FUT8: variants seen among roughly 807,000 people sequenced by gnomAD.
FUT8 encodes alpha-(1,6)-fucosyltransferase.
In FUT8, 29 loss-of-function variants were observed where a neutral mutation model predicts 71.3. The ratio of observed to expected loss-of-function variants is 0.41; its 90% CI spans 0.30 to 0.55. The LOEUF is 0.55. Ranked by LOEUF, FUT8 falls within the 20% of genes least tolerant of loss-of-function variation. FUT8 has a pLI of 0.34. For missense variants in FUT8, 544 were observed against 702.1 expected, an observed-to-expected ratio of 0.77 and a Z score of 2.55; for synonymous variants, 254 against 239.3, an observed-to-expected ratio of 1.06 and a Z score of -0.57.
At chr14:65,727,353 T>A (rs1895737262) in intron 9 of FUT8, among the ~76,000 whole-genome samples, 3 of 152,152 alleles carry the variant, frequency 2.0e-5, no homozygotes, top group Admixed American at 2.0e-4. Context: ...ATCCAGGTGT[T>A]TTTATACATC....
At chr14:65,398,150 T>G in the FUT8 span, among the ~76,000 whole-genome samples, 1 of 152,270 alleles carries the variant, frequency 6.6e-6, no homozygotes, top group East Asian at 1.9e-4. Flanking sequence ...CAGAAGGACC[T>G]CCAGACATTA....
At chr14:65,363,182 T>G in the FUT8 span, among the ~76,000 whole-genome samples, 1 of 152,156 alleles carries the variant, frequency 6.6e-6, no homozygotes. Context: ...TGTACAGTGG[T>G]GTGACCTCGG....
chr14:65,596,048 A>C (rs1350676898), intron 3 of FUT8, among the ~76,000 whole-genome samples: 1 of 152,218 alleles, frequency 6.6e-6, no homozygotes, highest in Non-Finnish European at 1.5e-5. Flanking sequence ...ATCTAATAAC[A>C]GTAGAAATGA....
chr14:65,411,767 A>T (rs551374829), upstream of FUT8: 3 of 331,252 alleles, frequency 9.1e-6, no homozygotes, highest in Non-Finnish European at 1.8e-5. Context: ...AAGAGTTTGG[A>T]ACGGGAAGCT....
Position 65,413,971 on chromosome 14 carries a change from T to A in FUT8, c.-326+757T>A, listed in dbSNP as rs1043965477. Among the ~76,000 whole-genome samples the A allele has an allele frequency of 6.6e-6, 1 of 152,024 alleles. No individual in the cohort carries two copies. The highest frequency in any genetic ancestry group is 1.9e-4 in the East Asian group (1 of 5,188). On this transcript the variant is annotated intron_variant, in intron 1 of 10. Coordinates refer to ENST00000673929, the MANE Select transcript of FUT8 (RefSeq NM_001371533.1). This position sits in a 1 kb window ranked among gnomAD's most constrained non-coding sequence, Gnocchi z 4.1. ...TTAAGTGGCAGTGTCATGCTTAGGGTTTGTCCCGGATGAGCTTTTATTTTA... is the reference window on the plus strand; with the variant it reads ...TTAAGTGGCAGTGTCATGCTTAGGGATTGTCCCGGATGAGCTTTTATTTTA...
chr14:65,437,971 C>T (rs988347007), intron 1 of FUT8, among the ~76,000 whole-genome samples: 2 of 152,054 alleles, frequency 1.3e-5, no homozygotes, highest in African/African-American at 4.8e-5. Context: ...GTTTGTTGGA[C>T]ATGTTGGTTT....
At chr14:65,617,665 CTGGGCG>C (rs1326249587) in intron 5 of FUT8, among the ~76,000 whole-genome samples, 2 of 152,126 alleles carry the variant, frequency 1.3e-5, no homozygotes, top group African/African-American at 2.4e-5. Context: ...AGTAATTGGG[CTGGGCG>C]TGGTGGCTCA....
the FUT8 span, among the ~76,000 whole-genome samples, chr14:65,371,113 G>A: frequency 6.6e-6 from 1 of 152,158 alleles, no homozygotes; most frequent in Non-Finnish European, 1.5e-5. Context: ...TGTGGGAGGG[G>A]TGGGCAGAGA....
intron 6 of FUT8, among the ~76,000 whole-genome samples, chr14:65,633,553 A>C (rs557960191): frequency 6.8e-6 from 1 of 146,174 alleles, no homozygotes; most frequent in Non-Finnish European, 1.5e-5. Flanking sequence ...CTTCCCGGCC[A>C]CCATCCCATC....
chr14:65,498,379 A>G (rs1441779835), intron 2 of FUT8, among the ~76,000 whole-genome samples: 1 of 152,182 alleles, frequency 6.6e-6, no homozygotes, highest in African/African-American at 2.4e-5. Flanking sequence ...TTTTGGCTCC[A>G]GTATCCACTT....
chr14:65,490,836 A>C (rs556861808), intron 2 of FUT8, among the ~76,000 whole-genome samples: 61 of 152,214 alleles, frequency 4.0e-4, no homozygotes, highest in African/African-American at 1.3e-3. Context: ...TTCCGAGTTA[A>C]TTACCATTTC....
chr14:65,650,162 G>A lies in FUT8; in HGVS notation c.598-19081G>A, dbSNP rs566617172. On this transcript the variant is annotated intron_variant, in intron 6 of 10. Transcript: ENST00000673929. ...ATACAAAAAAAAATTAGCCGGGCGT[G>A]GTGGCACGCGCCTGTAATCCCAGCT... Among the ~76,000 whole-genome samples the A allele has an allele frequency of 2.0e-4, 30 of 152,034 alleles. No individual in the cohort carries two copies. The East Asian group carries it at 2.9e-3, about 15-fold the overall frequency.
chr14:65,470,463 G>A (rs2139631047), intron 2 of FUT8, among the ~76,000 whole-genome samples: 1 of 152,290 alleles, frequency 6.6e-6, no homozygotes, highest in East Asian at 1.9e-4. Flanking sequence ...TGGCACTGTG[G>A]AGCATGCAGC....
At chr14:65,735,827 A>T (rs1896190528) in intron 10 of FUT8, among the ~76,000 whole-genome samples, 1 of 152,174 alleles carries the variant, frequency 6.6e-6, no homozygotes, top group Non-Finnish European at 1.5e-5. Context: ...TTTAGTAAAG[A>T]AGTATTTAGT....
At chr14:65,570,449 T>C (rs2140076743) in intron 3 of FUT8, among the ~76,000 whole-genome samples, 1 of 152,126 alleles carries the variant, frequency 6.6e-6, no homozygotes, top group South Asian at 2.1e-4. Flanking sequence ...ATTGTCATTA[T>C]TACAGTGAGA....
chr14:65,573,113 C>G (rs746255461), intron 3 of FUT8, among the ~76,000 whole-genome samples: 1 of 152,028 alleles, frequency 6.6e-6, no homozygotes, highest in Non-Finnish European at 1.5e-5. Context: ...GGAGTTGGCT[C>G]AGTGGGGAGG....
intron 3 of FUT8, among the ~76,000 whole-genome samples, chr14:65,584,998 A>T (rs1440402854): frequency 6.6e-6 from 1 of 151,204 alleles, no homozygotes; most frequent in East Asian, 2.0e-4. Flanking sequence ...ATTTTAACAG[A>T]TATTCCTAAT....
rs567080693 is a variant in FUT8, at chr14:65,734,618, C to G, written c.1410+1237C>G. 2.6e-5 allele frequency among the ~76,000 whole-genome samples: 4 copies of G among 152,246 alleles called. No individual in the cohort carries two copies. In the East Asian group the frequency reaches 7.7e-4, roughly 29 times the overall value. ...AAGAAACTCATTTCCATTCTTATTG[C>G]AAGAAAGGGGCAAGGTTTATAACTA... On this transcript the variant is annotated intron_variant, in intron 10 of 10. Transcript: ENST00000673929.
At chr14:65,410,812 T>C (rs560458854), upstream of FUT8, 10 of 152,276 alleles carry the variant, frequency 6.6e-5, no homozygotes, top group Admixed American at 2.6e-4. Flanking sequence ...AGGGTCTTGC[T>C]ATGTTGCCCA....
Sources: allele counts gnomAD v4.1 joint callset (sites outside exome capture counted in the v4.1 genomes callset), GRCh38; gene constraint gnomAD v4.1.1; non-coding constraint Gnocchi (gnomAD v3.1); transcripts MANE v1.5; gene names NCBI Gene and HGNC (gene_info 2026-07-23, HGNC 2026-07-21).